ARF4: variants seen among roughly 807,000 people sequenced by gnomAD.
ARF4 encodes the protein ARF GTPase 4, also known as ADP-ribosylation factor 4.
ARF4 carries 5 observed loss-of-function variants against 24.3 expected under a neutral mutation model. That is an observed-to-expected ratio of 0.21 (90% confidence interval 0.11 to 0.43). The LOEUF (loss-of-function observed/expected upper bound fraction) is 0.43, where lower values mean the gene tolerates loss of function less well. Among genes scored for constraint, ARF4 ranks in the 20% least tolerant of loss-of-function variants. The pLI is 1.00. For missense variants in ARF4, 107 were observed against 213.0 expected, an observed-to-expected ratio of 0.50 and a Z score of 3.10; for synonymous variants, 62 against 73.5, an observed-to-expected ratio of 0.84 and a Z score of 0.80.
intron 1 of ARF4, among the ~76,000 whole-genome samples, chr3:57,588,689 A>T (rs1478568972): frequency 7.5e-6 from 1 of 133,780 alleles, no homozygotes; most frequent in East Asian, 2.3e-4. Flanking sequence ...GCCCGTCTCT[A>T]CTCACACCTG....
At chr3:57,586,519 G>A (rs989962710) in intron 1 of ARF4, among the ~76,000 whole-genome samples, 1 of 152,026 alleles carries the variant, frequency 6.6e-6, no homozygotes, top group Non-Finnish European at 1.5e-5. Flanking sequence ...GTTCTTTTTG[G>A]AGACTCAAGC....
chr3:57,572,329 T>G (rs2069851273), intron 5 of ARF4, 31 bp from the exon 6 acceptor site: 1 of 1,523,334 alleles, frequency 6.6e-7, no homozygotes, highest in African/African-American at 1.4e-5. Flanking sequence ...AATACTTGAT[T>G]AACAAAGTTA....
At chr3:57,591,471 CTTTT>C (rs368262212) in intron 1 of ARF4, among the ~76,000 whole-genome samples, 1 of 142,120 alleles carries the variant, frequency 7.0e-6, no homozygotes. Context: ...CTTTTCTTTT[CTTTT>C]TTTTTTTTTG....
At chr3:57,590,342 C>T (rs375093232) in intron 1 of ARF4, among the ~76,000 whole-genome samples, 16 of 151,388 alleles carry the variant, frequency 1.1e-4, no homozygotes, top group African/African-American at 2.7e-4. Flanking sequence ...AAAAATTAGC[C>T]GGGCGCAGTG....
chr3:57,584,469 A>T lies in ARF4; in HGVS notation c.68-5T>A. The T allele has an allele frequency of 6.2e-7, 1 of 1,610,066 alleles. No homozygotes were observed. Among genetic ancestry groups the T allele is most frequent in the South Asian group, 1.1e-5 (1 of 90,830 alleles). ...TGCCAGCAGCATCCAATCCAACTAGAAGAAGACATTATAGATTTAAAATCC... is the reference window on the plus strand; with the variant it reads ...TGCCAGCAGCATCCAATCCAACTAGTAGAAGACATTATAGATTTAAAATCC... On this transcript the variant is annotated splice_region_variant and splice_polypyrimidine_tract_variant and intron_variant, in intron 1 of 5. Transcript: ENST00000303436.
chr3:57,572,419 C>G lies in ARF4; in HGVS notation c.457-121G>C, dbSNP rs2069852225. On this transcript the variant is annotated intron_variant, in intron 5 of 5. Coordinates refer to ENST00000303436, the MANE Select transcript of ARF4 (RefSeq NM_001660.4). ...CCTCTTGCATCTCACAAAACTCTCC[C>G]ATATTTAAAGCTACTTCTGGCTGGG... The G allele has an allele frequency of 9.8e-6, 7 of 712,520 alleles. No homozygotes were observed. The Middle Eastern group carries it at 1.5e-3, about 155-fold the overall frequency. The allele number at this position is 712,520 out of a possible 1,614,324, so 44.1% of individuals were successfully genotyped here.
intron 3 of ARF4, among the ~76,000 whole-genome samples, chr3:57,581,556 T>A (rs1172322836): frequency 6.6e-6 from 1 of 152,188 alleles, no homozygotes; most frequent in Non-Finnish European, 1.5e-5. Flanking sequence ...ATCCCAGCAC[T>A]TTGGGAAGCC....
At chr3:57,579,301 A>G (rs867983333) in intron 3 of ARF4, among the ~76,000 whole-genome samples, 1 of 145,604 alleles carries the variant, frequency 6.9e-6, no homozygotes, top group Non-Finnish European at 1.5e-5. Context: ...ACTAAGGGCA[A>G]AGGACTATAC....
chr3:57,597,013 A>C (rs1575791566), intron 1 of ARF4, 61 bp downstream of exon 1: 1 of 1,568,440 alleles, frequency 6.4e-7, no homozygotes, highest in East Asian at 2.3e-5. Context: ...CCCAGAGGCC[A>C]CCCCAATTGT....
At chr3:57,592,170 A>T (rs2070123855) in intron 1 of ARF4, among the ~76,000 whole-genome samples, 1 of 152,100 alleles carries the variant, frequency 6.6e-6, no homozygotes, top group Non-Finnish European at 1.5e-5. Flanking sequence ...TCCTGCCTTT[A>T]GGTTTTTCTG....
At chr3:57,585,940 A>T (rs1353727065) in intron 1 of ARF4, among the ~76,000 whole-genome samples, 1 of 152,042 alleles carries the variant, frequency 6.6e-6, no homozygotes, top group Non-Finnish European at 1.5e-5. Context: ...GTGATTACAG[A>T]TGTGAACCAC....
At chr3:57,586,104 T>G (rs568078352) in intron 1 of ARF4, among the ~76,000 whole-genome samples, 2 of 152,348 alleles carry the variant, frequency 1.3e-5, no homozygotes, top group East Asian at 3.9e-4. Context: ...CTTGTAAGTA[T>G]GAATCTCTCA....
At chr3:57,596,311 G>C (rs1353492949) in intron 1 of ARF4, among the ~76,000 whole-genome samples, 2 of 152,108 alleles carry the variant, frequency 1.3e-5, no homozygotes, top group Non-Finnish European at 2.9e-5. Context: ...TTAAAAATTC[G>C]TTTCTAAAAT....
intron 3 of ARF4, among the ~76,000 whole-genome samples, chr3:57,577,856 C>A (rs190383746): frequency 6.6e-6 from 1 of 152,012 alleles, no homozygotes; most frequent in Non-Finnish European, 1.5e-5. Context: ...GAGTTTGAGA[C>A]CAGCCTGGGC....
chr3:57,575,456 G>A (rs2069892115), intron 5 of ARF4, 92 bp downstream of exon 5: 1 of 1,272,052 alleles, frequency 7.9e-7, no homozygotes, highest in Middle Eastern at 2.2e-4. Context: ...GTCCAAAGGA[G>A]ATAATAAATG....
chr3:57,578,160 A>G (rs1437583697), intron 3 of ARF4, among the ~76,000 whole-genome samples: 2 of 152,212 alleles, frequency 1.3e-5, no homozygotes, highest in Non-Finnish European at 2.9e-5. Context: ...TGTGTACACT[A>G]CAGTTTTTAT....
chr3:57,596,918 G>A (rs2070195871), intron 1 of ARF4, 156 bp downstream of exon 1: 1 of 717,240 alleles, frequency 1.4e-6, no homozygotes, highest in African/African-American at 1.8e-5. Context: ...CTCACCCTCC[G>A]CTCCATTGTT....
At chr3:57,583,379 C>T (rs758694906) in intron 3 of ARF4, among the ~76,000 whole-genome samples, 1 of 152,158 alleles carries the variant, frequency 6.6e-6, no homozygotes, top group Non-Finnish European at 1.5e-5. Context: ...GTGCCACCCC[C>T]AAATTTGAGA....
At chr3:57,573,139 T>C (rs2069860209) in intron 5 of ARF4, among the ~76,000 whole-genome samples, 1 of 151,344 alleles carries the variant, frequency 6.6e-6, no homozygotes, top group African/African-American at 2.4e-5. Context: ...AAGGCAGAGC[T>C]TGCAGTGAGC....
Sources: gnomAD v4.1 joint callset for allele counts (sites outside exome capture counted in the v4.1 genomes callset) on GRCh38, gnomAD v4.1.1 for gene constraint, MANE v1.5 for transcripts, NCBI Gene and HGNC (gene_info 2026-07-23, HGNC 2026-07-21) for gene names.